The following TEAD4 variants were observed in gnomAD, a reference collection of about 807,000 sequenced individuals.
The protein encoded by TEAD4 is TEA domain transcription factor 4, also known as transcriptional enhancer factor TEF-3.
Under a neutral mutation model 52.4 loss-of-function variants are expected in TEAD4, and 36 were observed. The observed-to-expected ratio is 0.69, with a 90% CI of 0.53 to 0.91. The LOEUF is 0.91. Among genes scored for constraint, TEAD4 ranks in the 40% least tolerant of loss-of-function variants. The pLI is 0.00. For missense variants in TEAD4, 508 were observed against 583.9 expected, an observed-to-expected ratio of 0.87 and a Z score of 1.34; for synonymous variants, 220 against 231.0, an observed-to-expected ratio of 0.95 and a Z score of 0.43.
intron 3 of TEAD4, among the ~76,000 whole-genome samples, chr12:3,002,041 G>C (rs1399368547): frequency 6.6e-6 from 1 of 152,192 alleles, no homozygotes; most frequent in Non-Finnish European, 1.5e-5. Flanking sequence ...GCAGTGAGCT[G>C]AGATCATGCC....
intron 4 of TEAD4, among the ~76,000 whole-genome samples, chr12:3,011,315 TCTC>T (rs1164890394): frequency 4.6e-5 from 7 of 151,584 alleles, no homozygotes; most frequent in Admixed American, 2.0e-4. Context: ...ACCGCAACCT[TCTC>T]CTCCTGGGTT....
chr12:3,010,080 C>G (rs2098259076), intron 3 of TEAD4, among the ~76,000 whole-genome samples: 1 of 152,232 alleles, frequency 6.6e-6, no homozygotes, highest in African/African-American at 2.4e-5. Flanking sequence ...CTTGCTCTGC[C>G]TCTCCTCATC....
At chr12:2,996,486 C>T (rs892364617) in intron 3 of TEAD4, among the ~76,000 whole-genome samples, 9 of 151,370 alleles carry the variant, frequency 5.9e-5, no homozygotes, top group Non-Finnish European at 1.0e-4. Flanking sequence ...CTCAGCTCAA[C>T]GCTACCTCTG....
chr12:3,013,147 T>A (rs1238502959), intron 5 of TEAD4, among the ~76,000 whole-genome samples: 2 of 151,998 alleles, frequency 1.3e-5, no homozygotes, highest in African/African-American at 4.8e-5. Flanking sequence ...AGATGAGGTC[T>A]CCCTATTTTG....
chr12:3,038,529 A>G (rs570360147), intron 11 of TEAD4, among the ~76,000 whole-genome samples: 1 of 152,306 alleles, frequency 6.6e-6, no homozygotes, highest in Admixed American at 6.5e-5. Context: ...TCCCCTGCTC[A>G]CTTTGAACTC....
At chr12:2,993,220 C>T (rs778920872) in intron 2 of TEAD4, among the ~76,000 whole-genome samples, 2 of 152,214 alleles carry the variant, frequency 1.3e-5, no homozygotes, top group African/African-American at 2.4e-5. Context: ...ACTTCTTCAT[C>T]GTGCAAAACC....
intron 10 of TEAD4, among the ~76,000 whole-genome samples, chr12:3,029,484 A>C (rs971736658): frequency 6.6e-6 from 1 of 151,804 alleles, no homozygotes; most frequent in Non-Finnish European, 1.5e-5. Context: ...GTGATCCACC[A>C]GCCTCGGCCT....
intron 10 of TEAD4, among the ~76,000 whole-genome samples, chr12:3,023,296 C>T (rs890195893): frequency 3.3e-5 from 5 of 151,966 alleles, no homozygotes; most frequent in Non-Finnish European, 5.9e-5. Context: ...AAGTTGAAGC[C>T]GTAGGTAAAG....
At position 2,968,385 on chromosome 12, in the gene TEAD4, C is replaced by CTTTTTT. The variant is rs61672018; in HGVS notation, c.-30+8367_-30+8372dup. On this transcript the variant is annotated intron_variant, in intron 2 of 12. Coordinates refer to ENST00000359864, the MANE Select transcript of TEAD4 (RefSeq NM_003213.4). Reference sequence around the variant, plus strand: ...ACAGGTGTGAGCCACCGCGCCCGGCCTTTTTTTTTTTTTTTTTTTTTTTTT... The same window carrying CTTTTTT: ...ACAGGTGTGAGCCACCGCGCCCGGCCTTTTTTTTTTTTTTTTTTTTTTTTTTTTTTT... 9.6e-3 allele frequency among the ~76,000 whole-genome samples: 526 copies of CTTTTTT among 55,062 alleles called. 176 individuals carry two copies. Among genetic ancestry groups the CTTTTTT allele is most frequent in the African/African-American group, 0.032 (484 of 15,056 alleles). The allele number at this position is 55,062 out of a possible 152,430, so 36.1% of individuals were successfully genotyped here.
chr12:2,984,879 G>A (rs1246175955), intron 2 of TEAD4, among the ~76,000 whole-genome samples: 12 of 152,182 alleles, frequency 7.9e-5, no homozygotes, highest in Admixed American at 7.9e-4. Flanking sequence ...CTCTGGGTGA[G>A]TCAGTGAGTG....
intron 5 of TEAD4, among the ~76,000 whole-genome samples, 168 bp downstream of exon 5, chr12:3,012,400 GC>G (rs2034602186): frequency 7.9e-5 from 12 of 152,166 alleles, no homozygotes; most frequent in Admixed American, 7.9e-4. Context: ...GCACAAGAGG[GC>G]CAAGTGTGTG....
intron 2 of TEAD4, among the ~76,000 whole-genome samples, chr12:2,986,438 G>T (rs1269414573): frequency 6.6e-6 from 1 of 151,984 alleles, no homozygotes; most frequent in Non-Finnish European, 1.5e-5. Context: ...AGGAGTTCGA[G>T]ACCAGCCTGG....
intron 2 of TEAD4, among the ~76,000 whole-genome samples, chr12:2,966,253 G>A (rs565942338): frequency 1.3e-5 from 2 of 152,176 alleles, no homozygotes; most frequent in East Asian, 3.9e-4. Flanking sequence ...GACCCACTAC[G>A]CTGGATGCTG....
chr12:2,963,554 G>A (rs1480921105), intron 2 of TEAD4, among the ~76,000 whole-genome samples: 2 of 152,238 alleles, frequency 1.3e-5, no homozygotes, highest in Non-Finnish European at 2.9e-5. Context: ...CCCAGGTGGA[G>A]GTGGGGGCAG....
At chr12:2,965,845 T>C (rs2098219825) in intron 2 of TEAD4, among the ~76,000 whole-genome samples, 1 of 152,068 alleles carries the variant, frequency 6.6e-6, no homozygotes, top group South Asian at 2.1e-4. Context: ...CGCCCGGCCA[T>C]AAATTTTTTT....
intron 2 of TEAD4, among the ~76,000 whole-genome samples, chr12:2,988,163 T>C (rs2153954747): frequency 6.6e-6 from 1 of 152,296 alleles, no homozygotes; most frequent in Middle Eastern, 3.4e-3. Flanking sequence ...TAATATTGTT[T>C]TCCCATTCAT....
chr12:2,974,533 A>T (rs1213814347), intron 2 of TEAD4, among the ~76,000 whole-genome samples: 2 of 152,082 alleles, frequency 1.3e-5, no homozygotes, highest in African/African-American at 4.8e-5. Context: ...GGGGGTGCAG[A>T]TGCTTTTCCA....
chr12:2,999,697 A>G (rs995142251), intron 3 of TEAD4, among the ~76,000 whole-genome samples: 1 of 151,964 alleles, frequency 6.6e-6, no homozygotes, highest in East Asian at 1.9e-4. Flanking sequence ...GGCACAGCCA[A>G]CGCTGGCCAC....
intron 2 of TEAD4, among the ~76,000 whole-genome samples, chr12:2,987,368 ACTC>A (rs1318861927): frequency 6.6e-6 from 1 of 150,586 alleles, no homozygotes; most frequent in Non-Finnish European, 1.5e-5. Flanking sequence ...AAGACTACAG[ACTC>A]CTCCTGCTTC....
Sources: allele counts gnomAD v4.1 joint callset (sites outside exome capture counted in the v4.1 genomes callset), GRCh38; gene constraint gnomAD v4.1.1; transcripts MANE v1.5; gene names NCBI Gene and HGNC (gene_info 2026-07-23, HGNC 2026-07-21).